The following ANKRD13C variants were observed in gnomAD, a reference collection of about 807,000 sequenced individuals.
ANKRD13C encodes the protein ankyrin repeat domain-containing protein 13C.
ANKRD13C carries 16 observed loss-of-function variants against 65.5 expected under a neutral mutation model. The observed-to-expected ratio is 0.24, with a 90% CI of 0.17 to 0.37. The LOEUF (loss-of-function observed/expected upper bound fraction) is 0.37. Ranked by LOEUF, ANKRD13C falls within the 10% of genes least tolerant of loss-of-function variation. The probability of loss-of-function intolerance (pLI) is 1.00; values close to 1 mark genes in which losing one functional copy is unlikely to be tolerated. For missense variants in ANKRD13C, 503 were observed against 655.9 expected, an observed-to-expected ratio of 0.77 and a Z score of 2.55; for synonymous variants, 235 against 238.7, an observed-to-expected ratio of 0.98 and a Z score of 0.14.
chr1:70,339,027 C>G (rs1043214128), intron 1 of ANKRD13C, among the ~76,000 whole-genome samples: 1 of 152,086 alleles, frequency 6.6e-6, no homozygotes, highest in Non-Finnish European at 1.5e-5. Flanking sequence ...TTCAGAACAG[C>G]CTGGCCAACA....
intron 9 of ANKRD13C, among the ~76,000 whole-genome samples, chr1:70,284,961 T>C (rs1481144778): frequency 2.0e-5 from 3 of 152,132 alleles, no homozygotes; most frequent in Admixed American, 2.0e-4. Context: ...ATTGAGCTTA[T>C]GGCACTCAAC....
intron 12 of ANKRD13C, among the ~76,000 whole-genome samples, chr1:70,270,490 T>C (rs767945071): frequency 6.6e-6 from 1 of 152,200 alleles, no homozygotes; most frequent in Non-Finnish European, 1.5e-5. Flanking sequence ...TCGTGAAAGA[T>C]AATTTTTCCA....
Position 70,274,818 on chromosome 1 carries a change from T to C in ANKRD13C, c.1296A>G (p.Lys432=), listed in dbSNP as rs202175389. The change falls in exon 11 of 13, where the codon AAA becomes AAG. Residue 432 remains lysine, a splice_region_variant and synonymous_variant. Coordinates refer to ENST00000370944, the MANE Select transcript of ANKRD13C (RefSeq NM_030816.5). ...WEEYISAENG[K]APHLGRELVC... The stretch of plus-strand genomic sequence containing the variant: ...CCAATTCTCTACCCAGATGAGGAGC[T>C]CTAAAATGGGAGGAAAAAAAATGTT... 2.5e-6 allele frequency: 4 copies of C among 1,607,526 alleles called. No individual in the cohort carries two copies. In the East Asian group the frequency reaches 8.9e-5, roughly 36 times the overall value.
rs771654711 is a variant in ANKRD13C at position 70,276,807 on chromosome 1, T to C, written c.1253A>G (p.Asn418Ser). The change falls in exon 10 of 13, where the codon AAC (asparagine) becomes AGC (serine). Residue 418 changes from asparagine to serine, a missense_variant. Asn to Ser is a conservative substitution (Grantham distance 46). Transcript: ENST00000370944. Reference protein sequence around the residue: ...RRQSLTPPPQNTITWEEYISA... With the variant: ...RRQSLTPPPQSTITWEEYISA... ...TATATATTCTTCCCATGTAATAGTG[T>C]TCTGAGGAGGAGGTGTAAGAGACTG... 5.6e-6 allele frequency: 9 copies of C among 1,605,592 alleles called. No individual in the cohort carries two copies. Among genetic ancestry groups the C allele is most frequent in the Non-Finnish European group, 8.5e-7 (1 of 1,177,996 alleles).
intron 3 of ANKRD13C, among the ~76,000 whole-genome samples, chr1:70,323,834 C>T (rs531477736): frequency 2.4e-4 from 36 of 151,334 alleles, no homozygotes; most frequent in African/African-American, 6.8e-4. Flanking sequence ...AGGCGATTCT[C>T]GTGCCTCAGC....
At position 70,311,003 on chromosome 1, in the gene ANKRD13C, G is replaced by A. The variant is rs150587323; in HGVS notation, c.709+2742C>T. ...TAACAAGACTGCATAATCATTAATA[G>A]AGACAAACTAGCCTGATGAGCTAGA... On this transcript the variant is annotated intron_variant, in intron 5 of 12. Coordinates refer to ENST00000370944, the MANE Select transcript of ANKRD13C (RefSeq NM_030816.5). Among the ~76,000 whole-genome samples, 30 of 152,320 alleles carry A rather than the reference G, an allele frequency of 2.0e-4. 1 individual carries two copies. In the East Asian group the frequency reaches 5.8e-3, roughly 29 times the overall value.
intron 9 of ANKRD13C, among the ~76,000 whole-genome samples, chr1:70,281,194 A>C (rs2101174342): frequency 6.6e-6 from 1 of 152,160 alleles, no homozygotes. Flanking sequence ...AGTTAAAGGT[A>C]TATATCTGGT....
chr1:70,321,280 T>G (rs969441113), intron 3 of ANKRD13C, among the ~76,000 whole-genome samples: 3 of 151,968 alleles, frequency 2.0e-5, no homozygotes, highest in Non-Finnish European at 2.9e-5. Flanking sequence ...TGCAACATAT[T>G]GCAAAGGAAA....
Position 70,330,574 on chromosome 1 carries a change from C to CAAA in ANKRD13C, c.472+5481_472+5483dup, listed in dbSNP as rs71071394. 6.2e-3 allele frequency among the ~76,000 whole-genome samples: 424 copies of CAAA among 68,258 alleles called. 1 individual carries two copies. The highest frequency in any genetic ancestry group is 9.1e-3 in the African/African-American group (167 of 18,384). The allele number at this position is 68,258 out of a possible 152,430, so 44.8% of individuals were successfully genotyped here. ...CTCCGTCTCAAAAAAACAAACAAAC[C>CAAA]AAAAAAAAAAAAAAAAAAAAAGAAA... On this transcript the variant is annotated intron_variant, in intron 2 of 12. Transcript: ENST00000370944.
rs964505645 is a variant in ANKRD13C at position 70,341,607 on chromosome 1, G to A, written c.431-5508C>T. 5.3e-5 allele frequency among the ~76,000 whole-genome samples: 8 copies of A among 152,160 alleles called. No individual in the cohort carries two copies. In the East Asian group the frequency reaches 1.2e-3, roughly 22 times the overall value. ...ACTCCGGACCTCAAGTGATCTGCCT[G>A]CCTCAGCCTCCCAAAGTGATGGGAT... is the stretch of plus-strand genomic sequence containing the variant. On this transcript the variant is annotated intron_variant, in intron 1 of 12. Transcript: ENST00000370944.
Position 70,306,226 on chromosome 1 carries a change from G to A in ANKRD13C, c.774C>T (p.Ile258=). Reference sequence around the variant, plus strand: ...AGAAAAAAATCAAATCACCTTACCTGATATTGATACCTTGTTTGTATATTT... The same window carrying A: ...AGAAAAAAATCAAATCACCTTACCTAATATTGATACCTTGTTTGTATATTT... The part of the protein sequence containing the change: ...ACKIYKQGIN[I]RLDTTLIDFT... Residue 258 remains isoleucine, a splice_region_variant and synonymous_variant, in exon 6 of 13, where the codon ATC becomes ATT. Transcript: ENST00000370944. 6.4e-7 allele frequency: 1 copy of A among 1,562,488 alleles called. No homozygotes were observed.
At chr1:70,320,673 T>C (rs1029945326) in intron 3 of ANKRD13C, among the ~76,000 whole-genome samples, 2 of 152,100 alleles carry the variant, frequency 1.3e-5, no homozygotes, top group Admixed American at 6.6e-5. Flanking sequence ...TTTTCTTTTC[T>C]TTTCCCTATA....
intron 5 of ANKRD13C, among the ~76,000 whole-genome samples, chr1:70,311,179 A>T (rs1404086456): frequency 3.3e-5 from 5 of 152,202 alleles, no homozygotes; most frequent in Admixed American, 3.3e-4. Context: ...GAAATATGGT[A>T]AGATGCCTAC....
intron 6 of ANKRD13C, chr1:70,305,929 A>G (rs1680567968): frequency 6.1e-6 from 1 of 164,578 alleles, no homozygotes; most frequent in African/African-American, 2.4e-5. Flanking sequence ...TATTACATCA[A>G]GATCCTCACT....
chr1:70,288,889 C>T (rs562788739), intron 9 of ANKRD13C, among the ~76,000 whole-genome samples: 1 of 152,208 alleles, frequency 6.6e-6, no homozygotes, highest in Non-Finnish European at 1.5e-5. Context: ...CTGGGGGAAA[C>T]TGGGTGAGGC....
intron 7 of ANKRD13C, among the ~76,000 whole-genome samples, chr1:70,296,922 CA>C (rs1217659837): frequency 1.3e-5 from 2 of 152,160 alleles, no homozygotes; most frequent in Non-Finnish European, 2.9e-5. Flanking sequence ...TTATCCTGTA[CA>C]TATTCCCTAG....
At chr1:70,330,574 CAA>C (rs71071394) in intron 2 of ANKRD13C, among the ~76,000 whole-genome samples, 1,149 of 68,404 alleles carry the variant, frequency 0.017, 12 homozygotes, top group African/African-American at 0.058. Context: ...ACAAACAAAC[CAA>C]AAAAAAAAAA....
At chr1:70,274,850 C>A (rs1188722191) in intron 10 of ANKRD13C, 32 bp from the exon 11 acceptor site, 20 of 1,395,914 alleles carry the variant, frequency 1.4e-5, no homozygotes, top group Non-Finnish European at 1.9e-5. Context: ...TGTTAGGAAA[C>A]TTTTTCCATA....
intron 1 of ANKRD13C, among the ~76,000 whole-genome samples, chr1:70,341,574 G>C (rs1342920608): frequency 3.9e-5 from 6 of 151,904 alleles, no homozygotes; most frequent in Non-Finnish European, 1.5e-5. Flanking sequence ...TGGCCAGGCT[G>C]GTCTTGAACT....
Sources: allele counts gnomAD v4.1 joint callset (sites outside exome capture counted in the v4.1 genomes callset), GRCh38; gene constraint gnomAD v4.1.1; transcripts MANE v1.5; gene names NCBI Gene and HGNC (gene_info 2026-07-23, HGNC 2026-07-21).